The following FIRRM variants were observed in gnomAD, a reference collection of about 807,000 sequenced individuals.
The protein encoded by FIRRM is FIGNL1 interacting regulator of recombination and mitosis.
chr1:169,799,716 T>C, the FIRRM span, among the ~76,000 whole-genome samples: 1 of 152,090 alleles, frequency 6.6e-6, no homozygotes, highest in African/African-American at 2.4e-5. Context: ...CACGCCTGGC[T>C]AATTTTTGTA....
the FIRRM span, among the ~76,000 whole-genome samples, chr1:169,816,406 C>T: frequency 1.3e-5 from 2 of 152,244 alleles, no homozygotes; most frequent in East Asian, 3.9e-4. Flanking sequence ...TCAAAAACAC[C>T]TAATAACAAG....
chr1:169,799,013 C>T, the FIRRM span: 1 of 684,758 alleles, frequency 1.5e-6, no homozygotes, highest in East Asian at 3.0e-5. Context: ...GTCCGAGTCC[C>T]CACATACCTC....
the FIRRM span, chr1:169,803,093 C>A: frequency 7.6e-7 from 1 of 1,317,826 alleles, no homozygotes. Context: ...GTATTTGTAG[C>A]ACCCAGCATG....
chr1:169,830,682 CTT>C, the FIRRM span: 3 of 1,611,610 alleles, frequency 1.9e-6, no homozygotes, highest in East Asian at 2.2e-5. Flanking sequence ...GTTGTCTTCT[CTT>C]TTATATTGCA....
the FIRRM span, among the ~76,000 whole-genome samples, chr1:169,805,050 G>T: frequency 1.2e-4 from 19 of 152,302 alleles, no homozygotes; most frequent in South Asian, 3.9e-3. Flanking sequence ...CTCATTAATG[G>T]ATTATGAACA....
the FIRRM span, chr1:169,795,261 G>C: frequency 6.6e-7 from 1 of 1,520,668 alleles, no homozygotes; most frequent in East Asian, 2.5e-5. Context: ...GTGTGGGCGG[G>C]TCGCGAACCT....
At chr1:169,822,402 T>A in the FIRRM span, among the ~76,000 whole-genome samples, 1 of 152,184 alleles carries the variant, frequency 6.6e-6, no homozygotes, top group East Asian at 1.9e-4. Flanking sequence ...ATAGTTTTTT[T>A]AAAAACCACT....
the FIRRM span, chr1:169,827,637 C>CA: frequency 6.4e-7 from 1 of 1,561,718 alleles, no homozygotes; most frequent in Non-Finnish European, 8.8e-7. Flanking sequence ...GACTCTGACT[C>CA]AAACAAAAAA....
the FIRRM span, among the ~76,000 whole-genome samples, chr1:169,796,913 G>A: frequency 6.6e-6 from 1 of 152,134 alleles, no homozygotes; most frequent in Non-Finnish European, 1.5e-5. Context: ...CCTTAGAGGG[G>A]CTTTTTCAGA....
chr1:169,826,977 G>A, the FIRRM span: 1 of 1,367,384 alleles, frequency 7.3e-7, no homozygotes, highest in Non-Finnish European at 1.0e-6. Flanking sequence ...CAGAACATCA[G>A]TTTATAGTAC....
At chr1:169,797,782 TC>T in the FIRRM span, among the ~76,000 whole-genome samples, 1 of 152,162 alleles carries the variant, frequency 6.6e-6, no homozygotes, top group Non-Finnish European at 1.5e-5. Context: ...GACCTCGTGA[TC>T]CGCCTGCCTC....
chr1:169,826,360 G>A, the FIRRM span, among the ~76,000 whole-genome samples: 2 of 90,440 alleles, frequency 2.2e-5, no homozygotes, highest in African/African-American at 1.2e-4. Context: ...ACCACACCCG[G>A]CATTTTTTTT....
chr1:169,811,869 TTAGATAGA>T, the FIRRM span, among the ~76,000 whole-genome samples: 52 of 142,704 alleles, frequency 3.6e-4, no homozygotes, highest in African/African-American at 4.9e-4. Context: ...GATAGATAGA[TTAGATAGA>T]TAGATAGATA....
the FIRRM span, among the ~76,000 whole-genome samples, chr1:169,789,522 A>G: frequency 6.6e-6 from 1 of 152,236 alleles, no homozygotes; most frequent in Non-Finnish European, 1.5e-5. Flanking sequence ...TGGAACTTAG[A>G]GGACAGGCAC....
At chr1:169,832,370 A>C in the FIRRM span, 1 of 1,331,946 alleles carries the variant, frequency 7.5e-7, no homozygotes, top group East Asian at 2.3e-5. Flanking sequence ...AAAAATTCTG[A>C]TTCTAAATTA....
At chr1:169,853,775 GCAA>G in the FIRRM span, 1 of 1,613,496 alleles carries the variant, frequency 6.2e-7, no homozygotes, top group South Asian at 1.1e-5. Flanking sequence ...GCCTCTCCCT[GCAA>G]CAAAATAAAG....
chr1:169,826,500 T>C, the FIRRM span, among the ~76,000 whole-genome samples: 1 of 151,900 alleles, frequency 6.6e-6, no homozygotes, highest in African/African-American at 2.4e-5. Context: ...GTAGCTGGGA[T>C]TACAGGCATG....
chr1:169,831,124 A>AT, the FIRRM span, among the ~76,000 whole-genome samples: 1 of 152,122 alleles, frequency 6.6e-6, no homozygotes, highest in South Asian at 2.1e-4. Context: ...TCGACTCTTG[A>AT]TTTTGTTGTA....
At chr1:169,829,846 T>C in the FIRRM span, among the ~76,000 whole-genome samples, 5 of 152,220 alleles carry the variant, frequency 3.3e-5, no homozygotes, top group Non-Finnish European at 1.5e-5. Context: ...ACTTGTAATA[T>C]CTGAAATTTA....
Sources: allele counts gnomAD v4.1 joint callset (sites outside exome capture counted in the v4.1 genomes callset), GRCh38; gene constraint gnomAD v4.1.1; transcripts MANE v1.5; gene names NCBI Gene and HGNC (gene_info 2026-07-23, HGNC 2026-07-21).